WWOX: variants seen among roughly 807,000 people sequenced by gnomAD.
The protein encoded by WWOX is WW domain containing oxidoreductase, also known as WW domain-containing oxidoreductase.
Under a neutral mutation model 46.2 loss-of-function variants are expected in WWOX, and 69 were observed. The ratio of observed to expected loss-of-function variants is 1.49; its 90% confidence interval spans 1.23 to 1.82. The LOEUF (loss-of-function observed/expected upper bound fraction) is 1.82. Among genes scored for constraint, WWOX ranks in the 40% most tolerant of loss-of-function variants. The probability of loss-of-function intolerance (pLI) is 0.00; values close to 1 mark genes in which losing one functional copy is unlikely to be tolerated. For missense variants in WWOX, 919 were observed against 542.6 expected, an observed-to-expected ratio of 1.69 and a Z score of -6.89; for synonymous variants, 359 against 202.6, an observed-to-expected ratio of 1.77 and a Z score of -6.56.
In WWOX at chr16:78,624,394, A is replaced by C. The variant is rs150922301; in HGVS notation, c.1056+191642A>C. ...TTATTGTCACCTCTGAAACAAGACG[A>C]AGATTTGGACGGTTTGCTTTAGAGT... On this transcript the variant is annotated intron_variant, in intron 8 of 8. Coordinates refer to ENST00000566780, the MANE Select transcript of WWOX (RefSeq NM_016373.4). 4.8e-3 allele frequency among the ~76,000 whole-genome samples: 734 copies of C among 152,280 alleles called. 8 individuals carry two copies. The highest frequency in any genetic ancestry group is 0.017 in the African/African-American group (705 of 41,568).
intron 8 of WWOX, among the ~76,000 whole-genome samples, chr16:79,153,185 G>A (rs1412904009): frequency 6.6e-6 from 1 of 152,146 alleles, no homozygotes. Context: ...TCATCTCCAT[G>A]TGAGGAGGAG....
At chr16:78,146,301 T>C (rs560868418) in intron 4 of WWOX, among the ~76,000 whole-genome samples, 1 of 152,218 alleles carries the variant, frequency 6.6e-6, no homozygotes. Flanking sequence ...TCAGAGCTCT[T>C]TCTCTCTCTG....
At chr16:78,866,051 A>G (rs1381735464) in intron 8 of WWOX, among the ~76,000 whole-genome samples, 2 of 152,244 alleles carry the variant, frequency 1.3e-5, no homozygotes, top group Non-Finnish European at 2.9e-5. Flanking sequence ...GACTCACTGC[A>G]TTGCTCCAAG....
intron 8 of WWOX, among the ~76,000 whole-genome samples, chr16:78,658,186 G>C (rs72794728): frequency 0.049 from 7,436 of 152,094 alleles, 260 homozygotes; most frequent in Non-Finnish European, 0.074. Context: ...ATACCCCTGG[G>C]GAACAAAATC....
At position 78,500,395 on chromosome 16, in the gene WWOX, C is replaced by A. The variant is rs562282746; in HGVS notation, c.1056+67643C>A. On this transcript the variant is annotated intron_variant, in intron 8 of 8. Coordinates refer to ENST00000566780, the MANE Select transcript of WWOX (RefSeq NM_016373.4). ...TTTTTGCATTTCTTTCTTCCTTCCT[C>A]CTTTTCTTCTTTCCTTCCTTCCTTC... Among the ~76,000 whole-genome samples the A allele has an allele frequency of 9.2e-5, 8 of 87,390 alleles. No homozygotes were observed. The South Asian group carries it at 3.5e-3, about 38-fold the overall frequency. 57.3% of individuals were successfully genotyped at this position (87,390 alleles called of 152,430 possible).
At chr16:78,418,604 A>AT (rs1212148365) in intron 6 of WWOX, among the ~76,000 whole-genome samples, 2 of 152,196 alleles carry the variant, frequency 1.3e-5, no homozygotes, top group Non-Finnish European at 1.5e-5. Flanking sequence ...AGAATTGTAT[A>AT]TTATGACTAA....
intron 8 of WWOX, among the ~76,000 whole-genome samples, chr16:78,887,799 A>T (rs1251701658): frequency 6.6e-6 from 1 of 152,230 alleles, no homozygotes; most frequent in African/African-American, 2.4e-5. Context: ...TTGTGCAATT[A>T]AGAGTTTTGC....
At chr16:78,462,736 T>C (rs939668236) in intron 8 of WWOX, among the ~76,000 whole-genome samples, 1 of 152,228 alleles carries the variant, frequency 6.6e-6, no homozygotes, top group Non-Finnish European at 1.5e-5. Context: ...GCGTATGTTA[T>C]AGTTACTGTC....
intron 8 of WWOX, among the ~76,000 whole-genome samples, chr16:79,040,320 A>T (rs1202680941): frequency 2.1e-5 from 3 of 146,256 alleles, no homozygotes; most frequent in African/African-American, 7.7e-5. Flanking sequence ...TGTTGCCCAG[A>T]CTGGAGTGCG....
chr16:78,721,286 C>G lies in WWOX; in HGVS notation c.1056+288534C>G, dbSNP rs544587021. Among the ~76,000 whole-genome samples, 5 of 152,264 alleles carry G rather than the reference C, an allele frequency of 3.3e-5. No individual in the cohort carries two copies. In the South Asian group the frequency reaches 1.0e-3, roughly 32 times the overall value. ...GATGAAGGTGATGAACTACTTCTTTCCATTATTCTATTTCCCCCTTTTCTT... is the reference window on the plus strand; with the variant it reads ...GATGAAGGTGATGAACTACTTCTTTGCATTATTCTATTTCCCCCTTTTCTT... On this transcript the variant is annotated intron_variant, in intron 8 of 8. Transcript: ENST00000566780.
intron 8 of WWOX, among the ~76,000 whole-genome samples, chr16:78,758,502 T>C (rs1303199724): frequency 6.6e-6 from 1 of 152,234 alleles, no homozygotes; most frequent in Non-Finnish European, 1.5e-5. Flanking sequence ...TTCCCCCAAG[T>C]GTGTTTCCCT....
intron 4 of WWOX, among the ~76,000 whole-genome samples, chr16:78,129,095 A>G (rs1482660645): frequency 6.6e-6 from 1 of 152,124 alleles, no homozygotes; most frequent in South Asian, 2.1e-4. Flanking sequence ...TCAGCCTGAA[A>G]AGCTGACTTG....
rs117910738 is a variant in WWOX, at chr16:78,665,674, G to A, written c.1056+232922G>A. 4.2e-3 allele frequency among the ~76,000 whole-genome samples: 633 copies of A among 152,150 alleles called. 19 individuals carry two copies. In the East Asian group the frequency reaches 0.059, roughly 14 times the overall value. ...CCTGAGCTGACCCAAGACACACATGGAAACATTAATTGTGCTTCTCTGATG... is the reference window on the plus strand; with the variant it reads ...CCTGAGCTGACCCAAGACACACATGAAAACATTAATTGTGCTTCTCTGATG... On this transcript the variant is annotated intron_variant, in intron 8 of 8. Coordinates refer to ENST00000566780, the MANE Select transcript of WWOX (RefSeq NM_016373.4).
At chr16:78,312,529 C>A (rs1246874289) in intron 5 of WWOX, among the ~76,000 whole-genome samples, 2 of 152,046 alleles carry the variant, frequency 1.3e-5, no homozygotes, top group Non-Finnish European at 2.9e-5. Context: ...TGCCTGCCAC[C>A]ATGCCCAGCT....
intron 5 of WWOX, among the ~76,000 whole-genome samples, chr16:78,256,820 T>A (rs964997529): frequency 5.3e-5 from 8 of 152,108 alleles, no homozygotes; most frequent in Admixed American, 5.2e-4. Context: ...CTGTCATCTG[T>A]GATTGCATAC....
At chr16:78,368,384 C>A (rs2081589871) in intron 5 of WWOX, among the ~76,000 whole-genome samples, 1 of 152,142 alleles carries the variant, frequency 6.6e-6, no homozygotes, top group African/African-American at 2.4e-5. Context: ...CTTTGTAGAC[C>A]TGATATCCCA....
chr16:78,902,381 C>G (rs1043009450), intron 8 of WWOX, among the ~76,000 whole-genome samples: 2 of 152,212 alleles, frequency 1.3e-5, no homozygotes, highest in African/African-American at 4.8e-5. Flanking sequence ...TTAATTACCT[C>G]AAGGACAAGG....
chr16:79,057,697 C>A (rs1285038785), intron 8 of WWOX, among the ~76,000 whole-genome samples: 1 of 152,090 alleles, frequency 6.6e-6, no homozygotes, highest in African/African-American at 2.4e-5. Flanking sequence ...TACAGGCTAG[C>A]ACATGGTTTG....
chr16:79,122,589 C>G (rs759493297), intron 8 of WWOX, among the ~76,000 whole-genome samples: 1 of 150,646 alleles, frequency 6.6e-6, no homozygotes, highest in Non-Finnish European at 1.5e-5. Flanking sequence ...TCTCTTTCTC[C>G]GTCTTTCTTT....
Sources: gnomAD v4.1 joint callset for allele counts (sites outside exome capture counted in the v4.1 genomes callset) on GRCh38, gnomAD v4.1.1 for gene constraint, MANE v1.5 for transcripts, NCBI Gene and HGNC (gene_info 2026-07-23, HGNC 2026-07-21) for gene names.